SYT16: variants seen among roughly 807,000 people sequenced by gnomAD.
The protein encoded by SYT16 is synaptotagmin 16, also known as synaptotagmin-16.
A neutral mutation model predicts 61.4 loss-of-function variants in SYT16; 42 were observed. The ratio of observed to expected loss-of-function variants is 0.68; its 90% CI spans 0.53 to 0.89. The LOEUF (loss-of-function observed/expected upper bound fraction) is 0.89, where lower values mean the gene tolerates loss of function less well. Ranked by LOEUF, SYT16 falls within the 40% of genes least tolerant of loss-of-function variation. The pLI is 0.00. For synonymous variants in SYT16, 314 were observed against 302.3 expected, an observed-to-expected ratio of 1.04 and a Z score of -0.40; for missense variants, 804 against 807.3, an observed-to-expected ratio of 1.00 and a Z score of 0.05.
chr14:62,024,773 C>A (rs995912765), intron 3 of SYT16, among the ~76,000 whole-genome samples: 6 of 152,188 alleles, frequency 3.9e-5, no homozygotes, highest in African/African-American at 1.4e-4. Context: ...AAAAAATCTT[C>A]TGTGCTCTGC....
intron 1 of SYT16, among the ~76,000 whole-genome samples, chr14:61,871,795 GC>G (rs2047340915): frequency 6.6e-6 from 1 of 152,100 alleles, no homozygotes; most frequent in South Asian, 2.1e-4. Flanking sequence ...GATATAAAAT[GC>G]CCTTCTATAA....
intron 3 of SYT16, among the ~76,000 whole-genome samples, chr14:62,027,388 C>A (rs1226249200): frequency 6.6e-6 from 1 of 152,150 alleles, no homozygotes; most frequent in African/African-American, 2.4e-5. Flanking sequence ...TGGAGAGGAA[C>A]CTCAGTTTCT....
chr14:61,910,229 T>TTTTTG (rs141861330), intron 1 of SYT16, among the ~76,000 whole-genome samples: 1 of 151,172 alleles, frequency 6.6e-6, no homozygotes, highest in Non-Finnish European at 1.5e-5. Context: ...CTGTCTCCTT[T>TTTTTG]TTTTGTTTTG....
At chr14:62,029,138 C>G (rs1367041415) in intron 3 of SYT16, among the ~76,000 whole-genome samples, 1 of 152,076 alleles carries the variant, frequency 6.6e-6, no homozygotes, top group Non-Finnish European at 1.5e-5. Flanking sequence ...TTTTTTCTCC[C>G]CTGCAACTTT....
At chr14:62,012,402 G>A (rs74403077) in intron 3 of SYT16, among the ~76,000 whole-genome samples, 7,781 of 152,248 alleles carry the variant, frequency 0.051, 235 homozygotes, top group African/African-American at 0.08. Flanking sequence ...ACCTTGCCAC[G>A]TAGGCTTCCC....
rs917438388 is a variant in SYT16 at position 62,084,134 on chromosome 14, T to C, written c.1435-62T>C. 3.8e-5 allele frequency: 58 copies of C among 1,542,812 alleles called. 1 individual carries two copies. The highest frequency in any genetic ancestry group is 1.9e-4 in the Middle Eastern group (1 of 5,250). On this transcript the variant is annotated intron_variant, in intron 6 of 7. Transcript: ENST00000683842. ...CAATTTCACCAAACATAATATCGGC[T>C]TTCTCTAAAAGAGAGTAGTGCAGCG...
At chr14:62,095,596 TACAC>T (rs199865135) in intron 7 of SYT16, among the ~76,000 whole-genome samples, 6 of 151,412 alleles carry the variant, frequency 4.0e-5, no homozygotes, top group South Asian at 2.1e-4. Context: ...AGAAACTATA[TACAC>T]ACACACACAA....
chr14:62,051,122 G>T (rs994827433), intron 3 of SYT16, among the ~76,000 whole-genome samples: 7 of 152,248 alleles, frequency 4.6e-5, no homozygotes, highest in African/African-American at 1.7e-4. Context: ...GCTCCACCCA[G>T]TTCGAGCTTC....
chr14:61,903,059 C>T (rs971996702), intron 1 of SYT16, among the ~76,000 whole-genome samples: 4 of 152,108 alleles, frequency 2.6e-5, no homozygotes, highest in South Asian at 2.1e-4. Context: ...TGCAGAACTC[C>T]GGTATCTGCT....
Position 62,104,694 on chromosome 14 carries a change from A to C in SYT16, c.*3987A>C, listed in dbSNP as rs2057482953. The C allele has an allele frequency of 6.6e-6, 1 of 152,236 alleles. No homozygotes were observed. The highest frequency in any genetic ancestry group is 2.4e-5 in the African/African-American group (1 of 41,462). 9.4% of individuals were successfully genotyped at this position (152,236 alleles called of 1,614,324 possible). On this transcript the variant is annotated 3_prime_UTR_variant, in exon 8 of 8. Coordinates refer to ENST00000683842, the MANE Select transcript of SYT16 (RefSeq NM_001367656.1). ...ACTGTGCTAAGACAATGAGATTGGC[A>C]TAGCACAGTGAAGTTGGCACAAACT...
At position 62,102,732 on chromosome 14, in the gene SYT16, A is replaced by T. The variant is rs1302294985; in HGVS notation, c.*2025A>T. ...CATTTTAAAATTTACATTTGAAAAA[A>T]ATCTGTATATATTGTACAGACAGCC... On this transcript the variant is annotated 3_prime_UTR_variant, in exon 8 of 8. Coordinates refer to ENST00000683842, the MANE Select transcript of SYT16 (RefSeq NM_001367656.1). 1.3e-5 allele frequency: 2 copies of T among 152,206 alleles called. No individual in the cohort carries two copies. Among genetic ancestry groups the T allele is most frequent in the South Asian group, 2.1e-4 (1 of 4,830 alleles). 9.4% of individuals were successfully genotyped at this position (152,206 alleles called of 1,614,324 possible). A position where few individuals can be genotyped will look rare whatever the true frequency, so the allele number is the denominator to read the frequency against.
intron 3 of SYT16, among the ~76,000 whole-genome samples, chr14:62,020,228 G>A (rs1400579929): frequency 6.6e-6 from 1 of 152,000 alleles, no homozygotes; most frequent in Non-Finnish European, 1.5e-5. Context: ...ATGTTTAAAA[G>A]CCTCAATTAT....
chr14:62,001,648 G>C (rs1323101512), intron 3 of SYT16, among the ~76,000 whole-genome samples: 1 of 151,932 alleles, frequency 6.6e-6, no homozygotes. Flanking sequence ...TTTTGAAAAA[G>C]TTTTGGTGAT....
intron 2 of SYT16, among the ~76,000 whole-genome samples, chr14:61,970,539 A>G (rs1595049048): frequency 1.3e-5 from 2 of 152,296 alleles, no homozygotes; most frequent in East Asian, 1.9e-4. Context: ...TGGAGAAAAA[A>G]TATGTGTTCT....
At chr14:61,940,433 C>G (rs138741480) in intron 1 of SYT16, among the ~76,000 whole-genome samples, 1 of 152,114 alleles carries the variant, frequency 6.6e-6, no homozygotes, top group East Asian at 1.9e-4. Context: ...CCCCTAAAAA[C>G]CTATGATAAG....
At chr14:61,959,788 T>C (rs1013419457) in intron 1 of SYT16, among the ~76,000 whole-genome samples, 2 of 152,126 alleles carry the variant, frequency 1.3e-5, no homozygotes, top group Non-Finnish European at 2.9e-5. Flanking sequence ...TTCCCTTGAG[T>C]ACTTCTTGTA....
At chr14:62,069,545 T>C in intron 3 of SYT16, 58 bp from the exon 4 acceptor site, 1 of 1,498,438 alleles carries the variant, frequency 6.7e-7, no homozygotes, top group Non-Finnish European at 9.3e-7. Context: ...GGAGAGTCTA[T>C]CTCTGTATTC....
At chr14:61,842,362 A>C (rs890356979) in intron 1 of SYT16, among the ~76,000 whole-genome samples, 1 of 152,122 alleles carries the variant, frequency 6.6e-6, no homozygotes, top group Non-Finnish European at 1.5e-5. Context: ...CCCTTCTACT[A>C]TCTATGTCCA....
At chr14:61,833,247 T>C (rs1040747321) in intron 1 of SYT16, among the ~76,000 whole-genome samples, 1 of 152,014 alleles carries the variant, frequency 6.6e-6, no homozygotes, top group African/African-American at 2.4e-5. Flanking sequence ...CCTGTGCAAG[T>C]CCTAGATTTC....
Sources: gnomAD v4.1 joint callset for allele counts (sites outside exome capture counted in the v4.1 genomes callset) on GRCh38, gnomAD v4.1.1 for gene constraint, MANE v1.5 for transcripts, NCBI Gene and HGNC (gene_info 2026-07-23, HGNC 2026-07-21) for gene names.